Variants in KIF1A observed in about 807,000 individuals in gnomAD.
KIF1A encodes the protein kinesin-like protein KIF1A.
A neutral mutation model predicts 227.3 loss-of-function variants in KIF1A; 46 were observed. That is an observed-to-expected ratio of 0.20 (90% CI 0.16 to 0.26). KIF1A has a LOEUF of 0.26. Among genes scored for constraint, KIF1A ranks in the 10% least tolerant of loss-of-function variants. The pLI, the probability that KIF1A is intolerant of heterozygous loss-of-function variation, is 1.00. For missense variants in KIF1A, 1,683 were observed against 2,485.9 expected (o/e 0.68, Z 6.87); for synonymous variants, 1,022 against 1,012.8 (o/e 1.01, Z -0.17).
chr2:240,808,939 C>A (rs2057653941), intron 1 of KIF1A, among the ~76,000 whole-genome samples: 1 of 151,834 alleles, frequency 6.6e-6, no homozygotes, highest in African/African-American at 2.4e-5. Context: ...ACTGTGTTGG[C>A]CAGGCTGGTC....
At chr2:240,769,847 A>G in intron 15 of KIF1A, 141 bp from the exon 16 acceptor site, 1 of 616,314 alleles carries the variant, frequency 1.6e-6, no homozygotes, top group Non-Finnish European at 2.9e-6. Flanking sequence ...GGCATCCAGA[A>G]GACCAAGGTA....
intron 38 of KIF1A, among the ~76,000 whole-genome samples, chr2:240,729,228 G>A (rs929461396): frequency 6.8e-6 from 1 of 146,420 alleles, no homozygotes; most frequent in South Asian, 2.1e-4. Flanking sequence ...CCAAGCATTC[G>A]GTCCTGTGCT....
chr2:240,821,000 C>A (rs1290290727), upstream of KIF1A, among the ~76,000 whole-genome samples: 3 of 152,204 alleles, frequency 2.0e-5, no homozygotes, highest in Non-Finnish European at 2.9e-5. This position sits in a 1 kb window ranked among gnomAD's most constrained non-coding sequence, Gnocchi z 6.2. Flanking sequence ...CCTGCGTCAC[C>A]CGCCCCCAGC....
chr2:240,774,723 T>C (rs1033387812), intron 11 of KIF1A, among the ~76,000 whole-genome samples: 2 of 152,172 alleles, frequency 1.3e-5, no homozygotes, highest in Non-Finnish European at 2.9e-5. Flanking sequence ...CATCAGGTAA[T>C]GCGTGGCATG....
At chr2:240,813,108 G>C (rs1467553631) in intron 1 of KIF1A, among the ~76,000 whole-genome samples, 1 of 152,174 alleles carries the variant, frequency 6.6e-6, no homozygotes, top group African/African-American at 2.4e-5. Flanking sequence ...ACAAAGCATC[G>C]GCATGGGCCA....
chr2:240,761,175 G>T (rs1045789788), intron 24 of KIF1A, 54 bp downstream of exon 24: 18 of 1,554,228 alleles, frequency 1.2e-5, no homozygotes, highest in Non-Finnish European at 1.6e-5. Flanking sequence ...CCCGTCATGA[G>T]TGAGGTGACA....
chr2:240,798,184 G>A (rs1417960841), intron 1 of KIF1A, among the ~76,000 whole-genome samples: 1 of 152,250 alleles, frequency 6.6e-6, no homozygotes, highest in Non-Finnish European at 1.5e-5. Context: ...GGCCCCAAGA[G>A]CCAGTGCTGG....
At chr2:240,763,741 C>A (rs978482670) in intron 20 of KIF1A, among the ~76,000 whole-genome samples, 1 of 152,198 alleles carries the variant, frequency 6.6e-6, no homozygotes, top group Non-Finnish European at 1.5e-5. Context: ...GGGCCCTCCA[C>A]AGAGCACTGC....
chr2:240,811,225 C>T (rs1263588751), intron 1 of KIF1A, among the ~76,000 whole-genome samples: 3 of 152,028 alleles, frequency 2.0e-5, no homozygotes, highest in Admixed American at 1.3e-4. Flanking sequence ...ATTAGCTCAG[C>T]GTGGTGGCAG....
intron 45 of KIF1A, chr2:240,720,320 C>T (rs548970764): frequency 4.0e-4 from 67 of 168,094 alleles, no homozygotes; most frequent in Non-Finnish European, 6.7e-4. Context: ...CAGAGGGTGC[C>T]GATGGCCTCC....
chr2:240,787,383 G>T, intron 4 of KIF1A, 67 bp from the exon 5 acceptor site: 1 of 1,392,678 alleles, frequency 7.2e-7, no homozygotes, highest in Non-Finnish European at 1.0e-6. Flanking sequence ...TGCCCCTTGC[G>T]ATACTGTGGG....
chr2:240,819,964 T>C (rs975379355), intron 1 of KIF1A, among the ~76,000 whole-genome samples, 158 bp downstream of exon 1: 4 of 152,006 alleles, frequency 2.6e-5, no homozygotes, highest in African/African-American at 9.7e-5. Flanking sequence ...TGAAGGGGCC[T>C]CGCAGTGCCT....
At chr2:240,717,999 G>A (rs2044761334) in intron 48 of KIF1A, 51 bp downstream of exon 48, 10 of 1,219,074 alleles carry the variant, frequency 8.2e-6, no homozygotes, top group Admixed American at 2.0e-5. Context: ...CCAGGAGCCG[G>A]TTGAGGGCAG....
chr2:240,740,377 G>T lies in KIF1A; in HGVS notation c.3750-13C>A, dbSNP rs745684767. On this transcript the variant is annotated splice_polypyrimidine_tract_variant and intron_variant, in intron 35 of 48. Transcript: ENST00000498729. The surrounding 1 kb of genome is among the most constrained non-coding windows in gnomAD (Gnocchi z 6.1). ...GGCCGGGATGTAACTGGAAGAGAGA[G>T]ACACATGTGAGGAGCGGCCAGCCCC... 1 of 1,612,688 alleles carries T rather than the reference G, an allele frequency of 6.2e-7. No homozygotes were observed. The highest frequency in any genetic ancestry group is 1.1e-5 in the South Asian group (1 of 91,062).
chr2:240,776,787 G>T (rs2052777403), intron 10 of KIF1A, among the ~76,000 whole-genome samples: 1 of 152,182 alleles, frequency 6.6e-6, no homozygotes, highest in Admixed American at 6.5e-5. Context: ...CCACCTCAAG[G>T]GCTGGGAGCA....
chr2:240,807,130 G>GTGTATATATATATA (rs1356399506), intron 1 of KIF1A, among the ~76,000 whole-genome samples: 2 of 119,492 alleles, frequency 1.7e-5, no homozygotes, highest in East Asian at 2.3e-4. Flanking sequence ...GTGTGTGTGT[G>GTGTATATATATATA]TATATATATA....
chr2:240,801,009 TTTTTA>T (rs1171617857), intron 1 of KIF1A, among the ~76,000 whole-genome samples: 1 of 152,170 alleles, frequency 6.6e-6, no homozygotes, highest in Non-Finnish European at 1.5e-5. Flanking sequence ...TTTATTTTTA[TTTTTA>T]TTTTTTCAAA....
chr2:240,763,044 G>A lies in KIF1A; in HGVS notation c.1997C>T (p.Thr666Ile), dbSNP rs1359999577. ...DQYRREREEA[T>I]YLLEQQRLDY... is the part of the protein sequence containing the mutation. ...CAGCCGCTGCTGCTCCAGCAGGTAG[G>A]TGGCCTCCTCCCGCTCGCGGCGGTA... Residue 666 changes from threonine (T) to isoleucine (I), a missense_variant, in exon 22 of 49, where the codon ACC (threonine) becomes ATC (isoleucine). Around this residue, in one of 12 missense-constraint regions of KIF1A, gnomAD observed 217 missense variants for 427.0 expected, o/e 0.51. Transcript: ENST00000498729. The A allele has an allele frequency of 6.5e-7, 1 of 1,530,882 alleles. No homozygotes were observed. The highest frequency in any genetic ancestry group is 8.8e-7 in the Non-Finnish European group (1 of 1,140,872). 94.8% of individuals were successfully genotyped at this position (1,530,882 alleles called of 1,614,324 possible). A position where few individuals can be genotyped will look rare whatever the true frequency, so the allele number is the denominator to read the frequency against.
rs776450462 is a variant in KIF1A, at chr2:240,725,229, C to A, written c.4256+42G>T. ...GAGCCCTGCCTGGCCCGCACCGAGA[C>A]CAGGGTGGGAGTCCATGTGGTCCTC... On this transcript the variant is annotated intron_variant, in intron 40 of 48. Transcript: ENST00000498729. This position sits in a 1 kb window ranked among gnomAD's most constrained non-coding sequence, Gnocchi z 5.8. The A allele has an allele frequency of 1.5e-5, 24 of 1,565,988 alleles. 1 individual carries two copies. The South Asian group carries it at 2.8e-4, about 18-fold the overall frequency.
Sources: gnomAD v4.1 joint callset for allele counts (sites outside exome capture counted in the v4.1 genomes callset) on GRCh38, gnomAD v4.1.1 for gene constraint, gnomAD v4.1.1 regional missense constraint, Gnocchi (gnomAD v3.1) non-coding constraint, MANE v1.5 for transcripts, NCBI Gene and HGNC (gene_info 2026-07-23, HGNC 2026-07-21) for gene names.